PRR16: variants seen among roughly 807,000 people sequenced by gnomAD.
PRR16 encodes the protein protein Largen.
In PRR16, 6 loss-of-function variants were observed where a neutral mutation model predicts 18.2. That is an observed-to-expected ratio of 0.33 (90% CI 0.18 to 0.65). PRR16 has a LOEUF of 0.65. Ranked by LOEUF, PRR16 falls within the 30% of genes least tolerant of loss-of-function variation. The pLI is 0.74. For synonymous variants in PRR16, 151 were observed against 147.8 expected, an observed-to-expected ratio of 1.02 and a Z score of -0.16; for missense variants, 412 against 376.6, an observed-to-expected ratio of 1.09 and a Z score of -0.78.
At position 120,484,633 on chromosome 5, in the gene PRR16, T is replaced by A. The variant is rs915669645; in HGVS notation, c.159+19988T>A. Among the ~76,000 whole-genome samples, 72 of 146,678 alleles carry A rather than the reference T, an allele frequency of 4.9e-4. 1 individual carries two copies. The highest frequency in any genetic ancestry group is 1.7e-3 in the African/African-American group (68 of 40,554). ...TATACATATATTGTATATACACTTA[T>A]ATATAATATATATACACATTTTTAT... is the stretch of plus-strand genomic sequence containing the variant. On this transcript the variant is annotated intron_variant, in intron 1 of 1. Coordinates refer to ENST00000407149, the MANE Select transcript of PRR16 (RefSeq NM_001300783.2).
rs147943413 is a variant in PRR16 at position 120,508,976 on chromosome 5, A to G, written c.159+44331A>G. 1.1e-4 allele frequency among the ~76,000 whole-genome samples: 16 copies of G among 152,170 alleles called. No homozygotes were observed. In the East Asian group the frequency reaches 2.9e-3, roughly 28 times the overall value. On this transcript the variant is annotated intron_variant, in intron 1 of 1. Coordinates refer to ENST00000407149, the MANE Select transcript of PRR16 (RefSeq NM_001300783.2). ...TTAGTTGGGTGAGGGGGGGGATAGTAAAGATAATTTGCTTAGTCAAATAAA... is the reference window on the plus strand; with the variant it reads ...TTAGTTGGGTGAGGGGGGGGATAGTGAAGATAATTTGCTTAGTCAAATAAA...
chr5:120,654,075 T>C (rs1322053790), intron 1 of PRR16, among the ~76,000 whole-genome samples: 1 of 152,068 alleles, frequency 6.6e-6, no homozygotes, highest in African/African-American at 2.4e-5. Context: ...TGACAGATAA[T>C]GTAGACCCAG....
At chr5:120,782,260 A>C in the PRR16 span, among the ~76,000 whole-genome samples, 1 of 152,230 alleles carries the variant, frequency 6.6e-6, no homozygotes, top group East Asian at 1.9e-4. Flanking sequence ...TGACCAGTGC[A>C]TTTGCACAGG....
intron 1 of PRR16, among the ~76,000 whole-genome samples, chr5:120,475,955 G>A (rs773749563): frequency 6.6e-6 from 1 of 152,074 alleles, no homozygotes; most frequent in African/African-American, 2.4e-5. Flanking sequence ...GATGCAACAA[G>A]AGCATAAAAT....
At chr5:120,614,612 T>A (rs74401315) in intron 1 of PRR16, among the ~76,000 whole-genome samples, 8,946 of 152,312 alleles carry the variant, frequency 0.059, 341 homozygotes, top group South Asian at 0.085. Flanking sequence ...CTGTGTCTAA[T>A]ATACATGAGA....
intron 1 of PRR16, among the ~76,000 whole-genome samples, chr5:120,589,948 G>T (rs1753577716): frequency 6.6e-6 from 1 of 152,074 alleles, no homozygotes; most frequent in African/African-American, 2.4e-5. Context: ...TTAGAACTGA[G>T]AGTAGTTTTC....
chr5:120,674,293 T>A (rs1449946704), intron 1 of PRR16, among the ~76,000 whole-genome samples: 1 of 152,226 alleles, frequency 6.6e-6, no homozygotes, highest in African/African-American at 2.4e-5. Flanking sequence ...AATGTAATGT[T>A]CCTTGGATCC....
chr5:120,558,562 A>C (rs1486397852), intron 1 of PRR16, among the ~76,000 whole-genome samples: 2 of 151,914 alleles, frequency 1.3e-5, no homozygotes, highest in East Asian at 1.9e-4. Flanking sequence ...ACGGATTCTT[A>C]GGTTGCTTCC....
At chr5:120,489,814 T>C (rs1749959276) in intron 1 of PRR16, among the ~76,000 whole-genome samples, 2 of 152,316 alleles carry the variant, frequency 1.3e-5, no homozygotes, top group African/African-American at 4.8e-5. Context: ...CCATGTTTAG[T>C]GCTTCTTCAG....
intron 1 of PRR16, among the ~76,000 whole-genome samples, chr5:120,526,874 C>T (rs2112660284): frequency 6.6e-6 from 1 of 152,222 alleles, no homozygotes; most frequent in East Asian, 1.9e-4. Context: ...CAGGTATGAG[C>T]CATCACTCCC....
At chr5:120,713,106 C>T in the PRR16 span, among the ~76,000 whole-genome samples, 2 of 151,922 alleles carry the variant, frequency 1.3e-5, no homozygotes, top group South Asian at 4.1e-4. Flanking sequence ...TTGTGAGGCA[C>T]AACACAAACA....
At chr5:120,783,371 A>G in the PRR16 span, among the ~76,000 whole-genome samples, 2 of 152,120 alleles carry the variant, frequency 1.3e-5, no homozygotes, top group Non-Finnish European at 2.9e-5. Context: ...TTCTATATAT[A>G]TCCACATAAT....
downstream of PRR16, among the ~76,000 whole-genome samples, chr5:120,691,852 AG>A (rs1757213144): frequency 6.6e-6 from 1 of 152,210 alleles, no homozygotes; most frequent in Admixed American, 6.5e-5. Flanking sequence ...ATCCTTATCA[AG>A]GGCTTACTTT....
At chr5:120,466,252 A>G (rs893113769) in intron 1 of PRR16, among the ~76,000 whole-genome samples, 30 of 152,182 alleles carry the variant, frequency 2.0e-4, no homozygotes, top group Non-Finnish European at 1.2e-4. Context: ...TTATTCTTTT[A>G]TATGACATCT....
intron 1 of PRR16, among the ~76,000 whole-genome samples, chr5:120,552,203 A>G (rs912283142): frequency 6.6e-6 from 1 of 151,830 alleles, no homozygotes; most frequent in Non-Finnish European, 1.5e-5. Flanking sequence ...AAAACCTCCC[A>G]TGGCTCTTTT....
rs570623385 is a variant in PRR16, at chr5:120,681,438, G to T, written c.160-4516G>T. Among the ~76,000 whole-genome samples the T allele has an allele frequency of 2.6e-5, 4 of 152,172 alleles. No individual in the cohort carries two copies. The South Asian group carries it at 8.3e-4, about 32-fold the overall frequency. On this transcript the variant is annotated intron_variant, in intron 1 of 1. Transcript: ENST00000407149. Reference sequence around the variant, plus strand: ...GAACTTAAATAGTTTAATTCTGATTGTCCTACAGACATGTTCTTTTTCCTA... The same window carrying T: ...GAACTTAAATAGTTTAATTCTGATTTTCCTACAGACATGTTCTTTTTCCTA...
At chr5:120,790,792 G>C in the PRR16 span, 1 of 151,710 alleles carries the variant, frequency 6.6e-6, no homozygotes, top group Non-Finnish European at 1.5e-5. Context: ...GTTTTTTGCA[G>C]GAATCCAAAA....
chr5:120,494,306 A>C (rs1415488375), intron 1 of PRR16, among the ~76,000 whole-genome samples: 1 of 151,904 alleles, frequency 6.6e-6, no homozygotes, highest in South Asian at 2.1e-4. Flanking sequence ...TCATTTGCTT[A>C]TATGCTGTAC....
the PRR16 span, among the ~76,000 whole-genome samples, chr5:120,692,658 T>C: frequency 6.6e-6 from 1 of 152,240 alleles, no homozygotes; most frequent in Non-Finnish European, 1.5e-5. Context: ...AGTGTTTGAA[T>C]AATTTGAATA....
Sources: gnomAD v4.1 joint callset for allele counts (sites outside exome capture counted in the v4.1 genomes callset) on GRCh38, gnomAD v4.1.1 for gene constraint, MANE v1.5 for transcripts, NCBI Gene and HGNC (gene_info 2026-07-23, HGNC 2026-07-21) for gene names.